PID1: variants seen among roughly 807,000 people sequenced by gnomAD.
The protein encoded by PID1 is phosphotyrosine interaction domain containing 1, also known as PTB-containing, cubilin and LRP1-interacting protein.
A neutral mutation model predicts 19.1 loss-of-function variants in PID1; 10 were observed. That is an observed-to-expected ratio of 0.52 (90% CI 0.32 to 0.89). The LOEUF is 0.89. PID1 is among the 40% of genes least tolerant of loss of function. The probability of loss-of-function intolerance (pLI) is 0.03; values close to 1 mark genes in which losing one functional copy is unlikely to be tolerated. For missense variants in PID1, 248 were observed against 285.3 expected, an observed-to-expected ratio of 0.87 and a Z score of 0.94; for synonymous variants, 130 against 116.0, an observed-to-expected ratio of 1.12 and a Z score of -0.78.
chr2:229,151,303 T>C (rs1690246869), intron 2 of PID1, among the ~76,000 whole-genome samples: 1 of 152,094 alleles, frequency 6.6e-6, no homozygotes, highest in African/African-American at 2.4e-5. Flanking sequence ...GCACAGGCTG[T>C]GGAGTCAGAA....
At chr2:229,086,530 G>C (rs2106215212) in intron 2 of PID1, among the ~76,000 whole-genome samples, 1 of 152,234 alleles carries the variant, frequency 6.6e-6, no homozygotes. Flanking sequence ...CTTAAGTCAG[G>C]ACCTTCTGCA....
intron 1 of PID1, among the ~76,000 whole-genome samples, chr2:229,199,115 T>C (rs1015873856): frequency 6.6e-6 from 1 of 152,028 alleles, no homozygotes; most frequent in East Asian, 1.9e-4. Context: ...TTGCCAGTGC[T>C]GATCCTTCTA....
intron 2 of PID1, among the ~76,000 whole-genome samples, chr2:229,094,035 C>A (rs983517443): frequency 1.3e-5 from 2 of 152,114 alleles, no homozygotes; most frequent in Non-Finnish European, 2.9e-5. Context: ...AATCTCATAT[C>A]TAGAAAGCCC....
chr2:229,151,076 G>T (rs996146392), intron 2 of PID1, among the ~76,000 whole-genome samples: 1 of 152,068 alleles, frequency 6.6e-6, no homozygotes, highest in African/African-American at 2.4e-5. Context: ...TAAGGAGTGT[G>T]TAACAACTCA....
chr2:229,072,219 T>C (rs933994812), intron 2 of PID1, among the ~76,000 whole-genome samples: 3 of 152,196 alleles, frequency 2.0e-5, no homozygotes, highest in African/African-American at 7.2e-5. Flanking sequence ...AAATAATGTA[T>C]AGTTGGCAAT....
At chr2:229,103,178 C>T (rs1379628073) in intron 2 of PID1, among the ~76,000 whole-genome samples, 1 of 152,176 alleles carries the variant, frequency 6.6e-6, no homozygotes, top group Non-Finnish European at 1.5e-5. Flanking sequence ...TGCCCACCAA[C>T]ATCAGAGTCC....
chr2:229,176,101 C>T (rs1475903975), intron 1 of PID1, among the ~76,000 whole-genome samples: 2 of 151,738 alleles, frequency 1.3e-5, no homozygotes, highest in East Asian at 1.9e-4. Flanking sequence ...GCATTCAACA[C>T]GCTCATGAAA....
intron 1 of PID1, among the ~76,000 whole-genome samples, chr2:229,178,420 G>A (rs944117340): frequency 1.3e-4 from 19 of 151,970 alleles, no homozygotes; most frequent in Non-Finnish European, 2.5e-4. Context: ...TAATCAAAAA[G>A]GTGTATATAG....
intron 2 of PID1, among the ~76,000 whole-genome samples, chr2:229,114,505 G>A (rs1041428900): frequency 2.0e-5 from 3 of 151,970 alleles, no homozygotes; most frequent in African/African-American, 4.8e-5. Flanking sequence ...CCCTAGCTTG[G>A]CAGGCAGGTC....
chr2:229,172,209 T>C (rs184210185), intron 1 of PID1, among the ~76,000 whole-genome samples: 2 of 152,320 alleles, frequency 1.3e-5, no homozygotes, highest in East Asian at 3.9e-4. Context: ...AGGACCTCTC[T>C]ACCCTCCTCC....
intron 2 of PID1, among the ~76,000 whole-genome samples, chr2:229,075,118 C>T (rs900376244): frequency 6.6e-6 from 1 of 152,256 alleles, no homozygotes; most frequent in Admixed American, 6.5e-5. Context: ...TACAGTTGGG[C>T]AAAAGAATCT....
At chr2:229,059,971 G>T (rs1057380080) in intron 2 of PID1, among the ~76,000 whole-genome samples, 5 of 151,900 alleles carry the variant, frequency 3.3e-5, no homozygotes. Context: ...CCCACCAGTT[G>T]ACTTTTATTT....
At chr2:229,064,798 T>A (rs1694285891) in intron 2 of PID1, among the ~76,000 whole-genome samples, 1 of 152,064 alleles carries the variant, frequency 6.6e-6, no homozygotes, top group Non-Finnish European at 1.5e-5. Flanking sequence ...GCTAAAACCC[T>A]GGAGTAAAAG....
intron 1 of PID1, among the ~76,000 whole-genome samples, chr2:229,198,195 G>T (rs1441659870): frequency 6.6e-6 from 1 of 151,980 alleles, no homozygotes; most frequent in Non-Finnish European, 1.5e-5. Context: ...GTACTAGAAA[G>T]ATACAAAACA....
At chr2:229,116,398 C>T (rs1052959573) in intron 2 of PID1, among the ~76,000 whole-genome samples, 15 of 152,172 alleles carry the variant, frequency 9.9e-5, no homozygotes, top group Non-Finnish European at 5.9e-5. Context: ...CCCACGCACT[C>T]GGCAGCATCC....
chr2:229,071,478 A>C (rs1199435631), intron 2 of PID1, among the ~76,000 whole-genome samples: 1 of 152,254 alleles, frequency 6.6e-6, no homozygotes, highest in African/African-American at 2.4e-5. Flanking sequence ...ATTTCATAAC[A>C]ATCCTATGAG....
intron 1 of PID1, among the ~76,000 whole-genome samples, chr2:229,185,036 C>CTA (rs1303301889): frequency 7.1e-6 from 1 of 141,498 alleles, no homozygotes; most frequent in East Asian, 2.0e-4. Flanking sequence ...ACTATATATC[C>CTA]TATATATATG....
chr2:229,139,119 A>AAGAAAG (rs1559251867), intron 2 of PID1, among the ~76,000 whole-genome samples: 33 of 83,990 alleles, frequency 3.9e-4, no homozygotes, highest in South Asian at 6.1e-4. Flanking sequence ...AAGAAAGAGA[A>AAGAAAG]AGAAAGAAAG....
At chr2:229,218,064 A>G (rs1247226756) in intron 1 of PID1, among the ~76,000 whole-genome samples, 2 of 152,028 alleles carry the variant, frequency 1.3e-5, no homozygotes, top group Non-Finnish European at 2.9e-5. Context: ...ATACATATCT[A>G]TCTCTGTAAT....
Sources: gnomAD v4.1 joint callset for allele counts (sites outside exome capture counted in the v4.1 genomes callset) on GRCh38, gnomAD v4.1.1 for gene constraint, MANE v1.5 for transcripts, NCBI Gene and HGNC (gene_info 2026-07-23, HGNC 2026-07-21) for gene names.